Variants in HAS1 observed in about 807,000 individuals in gnomAD.
HAS1 encodes the protein hyaluronan synthase 1.
In HAS1, 27 loss-of-function variants were observed where a neutral mutation model predicts 35.0. The ratio of observed to expected loss-of-function variants is 0.77; its 90% CI spans 0.57 to 1.06. The LOEUF (loss-of-function observed/expected upper bound fraction) is 1.06, where lower values mean the gene tolerates loss of function less well. Among genes scored for constraint, HAS1 ranks in the 50% least tolerant of loss-of-function variants. The pLI is 0.00. For missense variants in HAS1, 940 were observed against 814.8 expected, an observed-to-expected ratio of 1.15 and a Z score of -1.87; for synonymous variants, 409 against 371.2, an observed-to-expected ratio of 1.10 and a Z score of -1.17.
At chr19:51,716,204 G>A (rs1057229704) in intron 4 of HAS1, 52 bp downstream of exon 4, 1 of 1,519,364 alleles carries the variant, frequency 6.6e-7, no homozygotes. Context: ...ACACACGCTA[G>A]GATATTCATT....
chr19:51,714,415 G>A (rs902306680), intron 4 of HAS1, among the ~76,000 whole-genome samples: 1 of 123,724 alleles, frequency 8.1e-6, no homozygotes, highest in Non-Finnish European at 1.9e-5. Flanking sequence ...TGGGTGGGAT[G>A]CAATGGCTCA....
rs1400004156 is a variant in HAS1 at position 51,719,819 on chromosome 19, AG to A, written c.85del (p.Leu29CysfsTer7). 4.5e-6 allele frequency: 7 copies of A among 1,556,510 alleles called. No individual in the cohort carries two copies. Among genetic ancestry groups the A allele is most frequent in the Non-Finnish European group, 5.2e-6 (6 of 1,153,976 alleles). ...ARRVLTIAFA[L>X]LILGLMTWAY... ...CCAGGTCATGAGGCCCAGGATGAGC[AG>A]GGCGAAGGCGATGGTCAGCACCCTC... On this transcript the variant is annotated frameshift_variant, in exon 2 of 5. Coordinates refer to ENST00000540069, the MANE Select transcript of HAS1 (RefSeq NM_001297436.2). LOFTEE classifies it high-confidence loss of function.
In HAS1 at chr19:51,714,695, T is replaced by TAAAAAAAAAAAAAAAAAAAA. The variant is rs148154630; in HGVS notation, c.1059-594_1059-593insTTTTTTTTTTTTTTTTTTTT. 9.4e-5 allele frequency among the ~76,000 whole-genome samples: 9 copies of TAAAAAAAAAAAAAAAAAAAA among 95,802 alleles called. 2 individuals are homozygous for TAAAAAAAAAAAAAAAAAAAA. The highest frequency in any genetic ancestry group is 3.3e-4 in the African/African-American group (8 of 24,132). 62.8% of individuals were successfully genotyped at this position (95,802 alleles called of 152,430 possible). ...CTGAGCAACACAGCAAGACTCTATC[T>TAAAAAAAAAAAAAAAAAAAA]AAGAAAAAAAAAAAGGCTCTCATAA... On this transcript the variant is annotated intron_variant, in intron 4 of 4. Transcript: ENST00000540069.
chr19:51,718,390 AAG>A (rs2083600750), intron 2 of HAS1, among the ~76,000 whole-genome samples: 1 of 152,226 alleles, frequency 6.6e-6, no homozygotes, highest in Admixed American at 6.5e-5. Flanking sequence ...GGAAGAAGGA[AAG>A]AAGAAAGGGA....
At position 51,717,002 on chromosome 19, in the gene HAS1, G is replaced by A. The variant is rs772422528; in HGVS notation, c.891C>T (p.Tyr297=). 6.8e-6 allele frequency: 11 copies of A among 1,613,796 alleles called. No individual in the cohort carries two copies. In the East Asian group the frequency reaches 1.1e-4, roughly 16 times the overall value. ...AFNVERACQS[Y]FHCVSCISGP... ...CGCTGATGCAGGATACACAGTGGAA[G>A]TAGCTCTGACAAGCCCGCTCCACAT... is the stretch of plus-strand genomic sequence containing the variant. Residue 297 remains tyrosine, a synonymous_variant, in exon 3 of 5, where the codon TAC becomes TAT. Coordinates refer to ENST00000540069, the MANE Select transcript of HAS1 (RefSeq NM_001297436.2).
chr19:51,719,352 C>A lies in HAS1; in HGVS notation c.553G>T (p.Val185Leu), dbSNP rs772761968. 20 of 1,608,608 alleles carry A rather than the reference C, an allele frequency of 1.2e-5. 1 individual carries two copies. In the Middle Eastern group the frequency reaches 4.9e-4, roughly 40 times the overall value. ...GAVGAGAYRE[V>L]EAEDPGRLAV... ...AGCCGCCCAGGATCCTCCGCCTCCACCTCCCGATAGGCTCCGGCGCCCACC... is the reference window on the plus strand; with the variant it reads ...AGCCGCCCAGGATCCTCCGCCTCCAACTCCCGATAGGCTCCGGCGCCCACC... Residue 185 changes from valine (V) to leucine (L), a missense_variant, in exon 2 of 5, where the codon GTG (valine) becomes TTG (leucine). Val to Leu is a conservative substitution (Grantham distance 32). Transcript: ENST00000540069.
At position 51,713,757 on chromosome 19, in the gene HAS1, C is replaced by T. The variant is rs1419838690; in HGVS notation, c.1404G>A (p.Met468Ile). 6.2e-7 allele frequency: 1 copy of T among 1,606,244 alleles called. No homozygotes were observed. Among genetic ancestry groups the T allele is most frequent in the Non-Finnish European group, 8.5e-7 (1 of 1,176,748 alleles). Residue 468 changes from methionine (M) to isoleucine (I), a missense_variant, in exon 5 of 5, where the codon ATG (methionine) becomes ATA (isoleucine). Coordinates refer to ENST00000540069, the MANE Select transcript of HAS1 (RefSeq NM_001297436.2). The surrounding 1 kb of genome is among the most constrained non-coding windows in gnomAD (Gnocchi z 4.5). ...VLLSLYAPLYMCGLLPAKFLA... is the reference protein window; with the variant it reads ...VLLSLYAPLYICGLLPAKFLA... ...GGAACTTGGCAGGCAGGAGGCCACA[C>T]ATGTAGAGGGGCGCGTAGAGCGACA...
intron 2 of HAS1, 131 bp from the exon 3 acceptor site, chr19:51,717,324 A>G (rs769178117): frequency 1.6e-6 from 1 of 627,024 alleles, no homozygotes; most frequent in Non-Finnish European, 2.8e-6. Context: ...GAGATTTTTT[A>G]AAGTCATTTT....
In HAS1 at chr19:51,714,080, A is replaced by G; in HGVS notation, c.1081T>C (p.Tyr361His). The stretch of plus-strand genomic sequence containing the variant: ...AGGAAGGACGAGGGCGTCTCTGAGT[A>G]GCAGCGGGACCTGGAGGTGTACCTG... ...ATKYTSRSRCYSETPSSFLRW... is the reference protein window; with the variant it reads ...ATKYTSRSRCHSETPSSFLRW... The change falls in exon 5 of 5, where the codon TAC becomes CAC. Residue 361 changes from tyrosine to histidine, a missense_variant. Tyr to His is a moderately conservative substitution (Grantham distance 83). Coordinates refer to ENST00000540069, the MANE Select transcript of HAS1 (RefSeq NM_001297436.2). 6.2e-7 allele frequency: 1 copy of G among 1,613,126 alleles called. No homozygotes were observed. Among genetic ancestry groups the G allele is most frequent in the Non-Finnish European group, 8.5e-7 (1 of 1,179,658 alleles).
intron 2 of HAS1, among the ~76,000 whole-genome samples, chr19:51,717,562 ATAAGT>A (rs2083596014): frequency 6.6e-6 from 1 of 152,204 alleles, no homozygotes; most frequent in African/African-American, 2.4e-5. Flanking sequence ...TCTCTTGACT[ATAAGT>A]TAATCAAAAG....
At position 51,713,252 on chromosome 19, in the gene HAS1, A is replaced by G. The variant is rs969833377; in HGVS notation, c.*175T>C. On this transcript the variant is annotated 3_prime_UTR_variant, in exon 5 of 5. Coordinates refer to ENST00000540069, the MANE Select transcript of HAS1 (RefSeq NM_001297436.2). This position sits in a 1 kb window ranked among gnomAD's most constrained non-coding sequence, Gnocchi z 4.5. ...CAATAAATACCCTCCCTGGAGACCC[A>G]GAAGTCCCAGTCCCAATATAGTCCA... The G allele has an allele frequency of 1.1e-5, 6 of 542,846 alleles. No individual in the cohort carries two copies. Among genetic ancestry groups the G allele is most frequent in the African/African-American group, 9.9e-5 (5 of 50,324 alleles). The allele number at this position is 542,846 out of a possible 1,614,324, so 33.6% of individuals were successfully genotyped here.
rs574743161 is a variant in HAS1 at position 51,716,256 on chromosome 19, T to C, written c.1058A>G (p.Lys353Arg). 3.7e-6 allele frequency: 6 copies of C among 1,612,886 alleles called. No individual in the cohort carries two copies. In the South Asian group the frequency reaches 6.6e-5, roughly 18 times the overall value. The change falls in exon 4 of 5, where the codon AAG becomes AGG. Residue 353 changes from lysine (K) to arginine (R), a missense_variant and splice_region_variant. Physicochemically the swap from Lys to Arg is conservative, Grantham distance 26. Coordinates refer to ENST00000540069, the MANE Select transcript of HAS1 (RefSeq NM_001297436.2). Reference sequence around the variant, plus strand: ...CGACCACCTGGTCCCCTCAGCTTACTTGGTAGCATAACCCATGCTGAGCAT... The same window carrying C: ...CGACCACCTGGTCCCCTCAGCTTACCTGGTAGCATAACCCATGCTGAGCAT... Reference protein sequence around the residue: ...NRMLSMGYATKYTSRSRCYSE... With the variant: ...NRMLSMGYATRYTSRSRCYSE...
intron 1 of HAS1, 21 bp downstream of exon 1, chr19:51,723,884 TACACACACACACACACACAC>T (rs58597876): frequency 1.4e-5 from 17 of 1,229,136 alleles, no homozygotes; most frequent in East Asian, 1.1e-4. Flanking sequence ...CATGGCTGTA[TACACACACACACACACACAC>T]ACACACACAC....
Position 51,719,605 on chromosome 19 carries a change from G to A in HAS1, c.300C>T (p.Ile100=). The A allele has an allele frequency of 6.5e-7, 1 of 1,540,660 alleles. No homozygotes were observed. Among genetic ancestry groups the A allele is most frequent in the African/African-American group, 1.4e-5 (1 of 72,294 alleles). ...ACGCGGGGTCCTCCTGGTAGGCGGA[G>A]ATGGTCAGCGCCACACTGCGCGCGG... ...AATARSVALT[I]SAYQEDPAYL... is the part of the protein sequence containing the mutation. The change falls in exon 2 of 5, where the codon ATC becomes ATT. Residue 100 remains isoleucine, a synonymous_variant. Transcript: ENST00000540069.
chr19:51,713,848 TGCACGCACAGCA>T lies in HAS1; in HGVS notation c.1301_1312del (p.Leu434_Val437del), dbSNP rs753132466. The stretch of plus-strand genomic sequence containing the variant: ...GGCCGCCTTGGCCAGTGCCACGCCC[TGCACGCACAGCA>T]GCACCCACAGCAGCGCCCAAGGGCG... On this transcript the variant is annotated inframe_deletion, in exon 5 of 5. Transcript: ENST00000540069. This position sits in a 1 kb window ranked among gnomAD's most constrained non-coding sequence, Gnocchi z 4.5. 3.1e-6 allele frequency: 5 copies of T among 1,607,166 alleles called. No homozygotes were observed. Among genetic ancestry groups the T allele is most frequent in the African/African-American group, 2.7e-5 (2 of 74,904 alleles).
At position 51,713,939 on chromosome 19, in the gene HAS1, C is replaced by T. The variant is rs2083563874; in HGVS notation, c.1222G>A (p.Gly408Ser). 1 of 1,610,062 alleles carries T rather than the reference C, an allele frequency of 6.2e-7. No homozygotes were observed. Among genetic ancestry groups the T allele is most frequent in the African/African-American group, 1.3e-5 (1 of 75,068 alleles). The change falls in exon 5 of 5, where the codon GGC becomes AGC. Residue 408 changes from glycine (G) to serine (S), a missense_variant. Transcript: ENST00000540069. This position sits in a 1 kb window ranked among gnomAD's most constrained non-coding sequence, Gnocchi z 4.5. ...AWMTYEAVVS[G>S]LFPFFVAATV... The stretch of plus-strand genomic sequence containing the variant: ...GCCGCCACGAAGAAGGGGAACAGGC[C>T]GGAGACCACCGCCTCGTAGGTCATC...
chr19:51,719,305 C>G lies in HAS1; in HGVS notation c.600G>C (p.Arg200Ser). The G allele has an allele frequency of 6.2e-7, 1 of 1,612,796 alleles. No individual in the cohort carries two copies. Among genetic ancestry groups the G allele is most frequent in the Non-Finnish European group, 8.5e-7 (1 of 1,179,562 alleles). The part of the protein sequence containing the change: ...PGRLAVEALV[R>S]TRRCVCVAQR... ...GCGCCACGCACACGCACCTGCGAGT[C>G]CTCACCAGCGCCTCCACTGCCAGCC... Residue 200 changes from arginine to serine, a missense_variant, in exon 2 of 5, where the codon AGG (arginine) becomes AGC (serine). Physicochemically the swap from Arg to Ser is moderately radical, Grantham distance 110 (BLOSUM62 -1). Transcript: ENST00000540069.
At chr19:51,718,725 C>T (rs2122262352) in intron 2 of HAS1, among the ~76,000 whole-genome samples, 1 of 152,254 alleles carries the variant, frequency 6.6e-6, no homozygotes, top group East Asian at 1.9e-4. Context: ...TTAGTAGAGA[C>T]AGGGTTTCAC....
intron 1 of HAS1, among the ~76,000 whole-genome samples, chr19:51,720,872 T>G (rs1395775202): frequency 1.3e-5 from 2 of 152,236 alleles, no homozygotes; most frequent in Non-Finnish European, 2.9e-5. Context: ...GTTTCCCTCC[T>G]CTTTCTTAGT....
Sources: allele counts gnomAD v4.1 joint callset (sites outside exome capture counted in the v4.1 genomes callset), GRCh38; gene constraint gnomAD v4.1.1; non-coding constraint Gnocchi (gnomAD v3.1); transcripts MANE v1.5; gene names NCBI Gene and HGNC (gene_info 2026-07-23, HGNC 2026-07-21).